Variants in ALCAM observed in about 807,000 individuals in gnomAD.
ALCAM encodes activated leukocyte cell adhesion molecule, also known as CD166 antigen.
In ALCAM, 30 loss-of-function variants were observed where a neutral mutation model predicts 70.9. The ratio of observed to expected loss-of-function variants is 0.42; its 90% CI spans 0.32 to 0.57. The LOEUF is 0.57. Ranked by LOEUF, ALCAM falls within the 20% of genes least tolerant of loss-of-function variation. ALCAM has a pLI of 0.11. For synonymous variants in ALCAM, 249 were observed against 242.5 expected (o/e 1.03, Z -0.25); for missense variants, 591 against 695.1 (o/e 0.85, Z 1.68).
At chr3:105,514,218 C>T (rs898607102) in intron 1 of ALCAM, among the ~76,000 whole-genome samples, 1 of 151,904 alleles carries the variant, frequency 6.6e-6, no homozygotes, top group African/African-American at 2.4e-5. Context: ...TCACAAAGCA[C>T]ACCTAAAACT....
intron 1 of ALCAM, among the ~76,000 whole-genome samples, chr3:105,502,850 G>A (rs1446001483): frequency 6.6e-6 from 1 of 152,218 alleles, no homozygotes; most frequent in East Asian, 1.9e-4. Flanking sequence ...AGCTTTACAT[G>A]AGGTCCTTGA....
chr3:105,508,742 T>C (rs1939149494), intron 1 of ALCAM, among the ~76,000 whole-genome samples: 1 of 152,130 alleles, frequency 6.6e-6, no homozygotes, highest in Non-Finnish European at 1.5e-5. Context: ...TGAGAGTACC[T>C]GAAATCCACT....
chr3:105,510,019 A>G (rs944827770), intron 1 of ALCAM, among the ~76,000 whole-genome samples: 1 of 152,036 alleles, frequency 6.6e-6, no homozygotes, highest in Non-Finnish European at 1.5e-5. Context: ...GTGGGTCAAT[A>G]CGGTTATGAT....
rs78869508 is a variant in ALCAM, at chr3:105,554,675, G to A, written c.1664+2090G>A. ...TGTCCATGGCATCTATAGAAAATTC[G>A]GAAGACCTGTGCTATGTAAGTGAAA... On this transcript the variant is annotated intron_variant, in intron 14 of 15. Coordinates refer to ENST00000306107, the MANE Select transcript of ALCAM (RefSeq NM_001627.4). Among the ~76,000 whole-genome samples, 982 of 151,950 alleles carry A rather than the reference G, an allele frequency of 6.5e-3. 4 individuals carry two copies. Among genetic ancestry groups the A allele is most frequent in the Non-Finnish European group, 0.011 (730 of 67,904 alleles).
intron 1 of ALCAM, among the ~76,000 whole-genome samples, chr3:105,425,561 G>A (rs1157507034): frequency 4.6e-5 from 7 of 151,734 alleles, no homozygotes; most frequent in Non-Finnish European, 8.8e-5. Context: ...AATTACTCCT[G>A]TAAAACTACA....
chr3:105,571,899 A>G lies in ALCAM; in HGVS notation c.1712A>G (p.Asn571Ser). ...AAGGACCTCGGTAATATGGAAGAAAACAAAAAGTTAGAAGAAAACAATCAC... is the reference window on the plus strand; with the variant it reads ...AAGGACCTCGGTAATATGGAAGAAAGCAAAAAGTTAGAAGAAAACAATCAC... Reference protein sequence around the residue: ...VNKDLGNMEENKKLEENNHKT... With the variant: ...VNKDLGNMEESKKLEENNHKT... Residue 571 changes from asparagine (N) to serine (S), a missense_variant, in exon 15 of 16, where the codon AAC (asparagine) becomes AGC (serine). Around this residue, in one of 2 missense-constraint regions of ALCAM, gnomAD observed 164 missense variants for 244.7 expected, o/e 0.67. Coordinates refer to ENST00000306107, the MANE Select transcript of ALCAM (RefSeq NM_001627.4). The G allele has an allele frequency of 1.2e-6, 2 of 1,613,708 alleles. No individual in the cohort carries two copies. The highest frequency in any genetic ancestry group is 1.7e-6 in the Non-Finnish European group (2 of 1,179,720).
intron 1 of ALCAM, among the ~76,000 whole-genome samples, chr3:105,416,216 T>G (rs1936503410): frequency 6.6e-6 from 1 of 152,056 alleles, no homozygotes; most frequent in Non-Finnish European, 1.5e-5. Flanking sequence ...TACTTAGTCA[T>G]TAGGATGTCT....
chr3:105,384,388 C>T (rs2107340797), intron 1 of ALCAM, among the ~76,000 whole-genome samples: 1 of 151,486 alleles, frequency 6.6e-6, no homozygotes, highest in East Asian at 1.9e-4. Context: ...ATCTTAAATT[C>T]TTATAATCTT....
intron 11 of ALCAM, among the ~76,000 whole-genome samples, chr3:105,548,818 G>C (rs1197227663): frequency 6.6e-6 from 1 of 151,388 alleles, no homozygotes; most frequent in Admixed American, 6.6e-5. Context: ...ACAATGTGCA[G>C]ATCTATTTTT....
intron 1 of ALCAM, among the ~76,000 whole-genome samples, chr3:105,503,771 T>A (rs1054362043): frequency 1.3e-5 from 2 of 152,228 alleles, no homozygotes; most frequent in Non-Finnish European, 2.9e-5. Context: ...CATCACCTCC[T>A]ACAGCCCCTA....
intron 1 of ALCAM, among the ~76,000 whole-genome samples, chr3:105,410,518 A>G (rs1936360381): frequency 6.6e-6 from 1 of 152,058 alleles, no homozygotes; most frequent in Non-Finnish European, 1.5e-5. Context: ...ACTCAAACAT[A>G]TACACATACA....
At chr3:105,403,459 G>A (rs1274017736) in intron 1 of ALCAM, among the ~76,000 whole-genome samples, 3 of 152,046 alleles carry the variant, frequency 2.0e-5, no homozygotes, top group Non-Finnish European at 2.9e-5. Flanking sequence ...AGCTCCACTG[G>A]GTTGCCAGAC....
rs35287569 is a variant in ALCAM at position 105,520,107 on chromosome 3, C to T, written c.114C>T (p.Thr38=). ...CTGTAAATTCAGCATATGGAGATAC[C>T]ATTATCATACCTTGCCGACTTGACG... The part of the protein sequence containing the change: ...WYTVNSAYGD[T]IIIPCRLDVP... The change falls in exon 2 of 16, where the codon ACC becomes ACT. Residue 38 remains threonine, a synonymous_variant. Coordinates refer to ENST00000306107, the MANE Select transcript of ALCAM (RefSeq NM_001627.4). The T allele has an allele frequency of 1.9e-6, 3 of 1,612,614 alleles. No homozygotes were observed. Among genetic ancestry groups the T allele is most frequent in the Non-Finnish European group, 2.5e-6 (3 of 1,179,312 alleles).
intron 1 of ALCAM, 28 bp downstream of exon 1, chr3:105,367,509 G>A: frequency 6.2e-7 from 1 of 1,613,276 alleles, no homozygotes; most frequent in Non-Finnish European, 8.5e-7. Context: ...AGCAGCCCCA[G>A]ACAGACGTGG....
intron 1 of ALCAM, among the ~76,000 whole-genome samples, chr3:105,469,545 A>G (rs1221337548): frequency 6.6e-6 from 1 of 151,244 alleles, no homozygotes; most frequent in African/African-American, 2.4e-5. Context: ...TAGAAAATGA[A>G]TGGCCCTAGG....
chr3:105,524,213 GAA>G (rs1482021391), intron 2 of ALCAM, 74 bp from the exon 3 acceptor site: 2 of 1,252,446 alleles, frequency 1.6e-6, no homozygotes, highest in African/African-American at 3.0e-5. Flanking sequence ...TATGGCCAAG[GAA>G]ATGTTATTTT....
chr3:105,528,660 A>G (rs1013443374), intron 3 of ALCAM, among the ~76,000 whole-genome samples: 3 of 152,174 alleles, frequency 2.0e-5, no homozygotes, highest in East Asian at 1.9e-4. Flanking sequence ...GTTCTCACTT[A>G]TAAGTGGGAG....
Position 105,552,489 on chromosome 3 carries a change from ATGAC to A in ALCAM, c.1569_1572del (p.Asp524ArgfsTer4), listed in dbSNP as rs1302432396. On this transcript the variant is annotated frameshift_variant, in exon 14 of 16. Transcript: ENST00000306107. LOFTEE classifies it high-confidence loss of function. ...GCAGATGAAAACAGAGAAAAGGTGA[ATGAC>A]CAGGCAAAACTAATTGTGGGAATCG... The A allele has an allele frequency of 6.2e-7, 1 of 1,611,680 alleles. No individual in the cohort carries two copies. Among genetic ancestry groups the A allele is most frequent in the African/African-American group, 1.3e-5 (1 of 74,736 alleles).
At chr3:105,573,455 A>G (rs1038543134) in intron 15 of ALCAM, among the ~76,000 whole-genome samples, 2 of 152,262 alleles carry the variant, frequency 1.3e-5, no homozygotes, top group African/African-American at 2.4e-5. Context: ...GTGTGTATAC[A>G]TATACGCATA....
Sources: allele counts gnomAD v4.1 joint callset (sites outside exome capture counted in the v4.1 genomes callset), GRCh38; gene constraint gnomAD v4.1.1; regional missense constraint gnomAD v4.1.1; transcripts MANE v1.5; gene names NCBI Gene and HGNC (gene_info 2026-07-23, HGNC 2026-07-21).